NCAPD3: variants seen among roughly 807,000 people sequenced by gnomAD.
NCAPD3 encodes condensin-2 complex subunit D3.
A neutral mutation model predicts 182.9 loss-of-function variants in NCAPD3; 105 were observed. The observed-to-expected ratio is 0.57, with a 90% CI of 0.49 to 0.68. The LOEUF (loss-of-function observed/expected upper bound fraction) is 0.68, where lower values mean the gene tolerates loss of function less well. NCAPD3 is among the 30% of genes least tolerant of loss of function. NCAPD3 has a pLI of 0.00. For synonymous variants in NCAPD3, 815 were observed against 679.9 expected (o/e 1.20, Z -3.09); for missense variants, 1,944 against 1,837.0 (o/e 1.06, Z -1.07).
At chr11:134,190,946 C>T (rs903355871) in intron 16 of NCAPD3, among the ~76,000 whole-genome samples, 10 of 152,138 alleles carry the variant, frequency 6.6e-5, no homozygotes, top group Non-Finnish European at 1.3e-4. Context: ...TTAGAATTGT[C>T]GACTACTTGC....
chr11:134,180,411 C>G (rs1377328062), intron 20 of NCAPD3, among the ~76,000 whole-genome samples: 1 of 152,106 alleles, frequency 6.6e-6, no homozygotes, highest in African/African-American at 2.4e-5. Context: ...AAAAGCAGCT[C>G]ATTATTTCCT....
At chr11:134,164,670 G>T (rs1943706229) in intron 27 of NCAPD3, among the ~76,000 whole-genome samples, 1 of 151,290 alleles carries the variant, frequency 6.6e-6, no homozygotes, top group African/African-American at 2.4e-5. Flanking sequence ...TGAGCTTGGG[G>T]GAGCTGCACA....
intron 27 of NCAPD3, among the ~76,000 whole-genome samples, chr11:134,166,702 T>C (rs1182967771): frequency 1.0e-5 from 1 of 99,274 alleles, no homozygotes; most frequent in African/African-American, 4.4e-5. Context: ...CTGAGTGAGA[T>C]GAGCTTAGGG....
At chr11:134,164,675 T>C (rs978781808) in intron 27 of NCAPD3, among the ~76,000 whole-genome samples, 1 of 144,336 alleles carries the variant, frequency 6.9e-6, no homozygotes, top group Non-Finnish European at 1.5e-5. Flanking sequence ...TTGGGGGAGC[T>C]GCACACTCAC....
In NCAPD3 at chr11:134,194,685, C is replaced by T; in HGVS notation, c.1669G>A (p.Val557Ile). The change falls in exon 14 of 35, where the codon GTT becomes ATT. Residue 557 changes from valine to isoleucine, a missense_variant. Coordinates refer to ENST00000534548, the MANE Select transcript of NCAPD3 (RefSeq NM_015261.3). ...RRRIRDEKTN[V>I]RKSALQVLVS... ...CCCACCTGCAGTGCAGACTTCCTAA[C>T]GTTGGTCTTCTCATCCCTGATCCTC... is the stretch of plus-strand genomic sequence containing the variant. 1.2e-6 allele frequency: 2 copies of T among 1,606,970 alleles called. No homozygotes were observed. The highest frequency in any genetic ancestry group is 1.7e-6 in the Non-Finnish European group (2 of 1,176,606).
At chr11:134,213,972 T>C (rs1440122386) in intron 3 of NCAPD3, among the ~76,000 whole-genome samples, 3 of 152,126 alleles carry the variant, frequency 2.0e-5, no homozygotes, top group Non-Finnish European at 4.4e-5. Flanking sequence ...TAATTATTCT[T>C]AGAGATTCCA....
chr11:134,152,812 A>G lies in NCAPD3; in HGVS notation c.*132T>C. 1 of 684,348 alleles carries G rather than the reference A, an allele frequency of 1.5e-6. No homozygotes were observed. Among genetic ancestry groups the G allele is most frequent in the Non-Finnish European group, 2.5e-6 (1 of 397,978 alleles). The allele number at this position is 684,348 out of a possible 1,614,324, so 42.4% of individuals were successfully genotyped here. A position where few individuals can be genotyped will look rare whatever the true frequency, so the allele number is the denominator to read the frequency against. ...GAAGGTGAGTGCCAGGCCCCTGAGG[A>G]GGAGCTCTCGTGTTCCACAGCAAAG... On this transcript the variant is annotated 3_prime_UTR_variant, in exon 35 of 35. Coordinates refer to ENST00000534548, the MANE Select transcript of NCAPD3 (RefSeq NM_015261.3).
In NCAPD3 at chr11:134,177,289, G is replaced by C. The variant is rs745737389; in HGVS notation, c.2951C>G (p.Ser984Cys). Residue 984 changes from serine to cysteine, a missense_variant, in exon 23 of 35, where the codon TCC (serine) becomes TGC (cysteine). Physicochemically the swap from Ser to Cys is moderately radical, Grantham distance 112 (BLOSUM62 -1). Around this residue, in one of 3 missense-constraint regions of NCAPD3, gnomAD observed 1,803 missense variants for 1,674.6 expected, o/e 1.08. Transcript: ENST00000534548. ...IMVDKYIPNI[S>C]MCLKDSDPFI... The stretch of plus-strand genomic sequence containing the variant: ...TGGGTCGGAATCCTTCAGACACATG[G>C]AGATGTTGGGAATATACTTGTCCAC... The C allele has an allele frequency of 2.5e-6, 4 of 1,614,236 alleles. No homozygotes were observed. Among genetic ancestry groups the C allele is most frequent in the Non-Finnish European group, 3.4e-6 (4 of 1,180,036 alleles).
intron 13 of NCAPD3, among the ~76,000 whole-genome samples, chr11:134,201,286 A>G (rs984764289): frequency 3.3e-5 from 5 of 151,860 alleles, no homozygotes; most frequent in East Asian, 1.9e-4. Flanking sequence ...CGGCCTCCCA[A>G]TGTGCCAGGA....
At chr11:134,170,293 C>T (rs1943976537) in intron 24 of NCAPD3, among the ~76,000 whole-genome samples, 1 of 152,144 alleles carries the variant, frequency 6.6e-6, no homozygotes, top group Non-Finnish European at 1.5e-5. Flanking sequence ...TAAGGACAAC[C>T]AGAAGCACCT....
chr11:134,158,296 C>A (rs1347614819), intron 30 of NCAPD3, 33 bp downstream of exon 30: 1 of 1,611,244 alleles, frequency 6.2e-7, no homozygotes, highest in Non-Finnish European at 8.5e-7. Context: ...CCACAGAGAA[C>A]CAGCCCTGAT....
chr11:134,216,036 T>G (rs1008464582), intron 3 of NCAPD3, among the ~76,000 whole-genome samples: 1 of 152,160 alleles, frequency 6.6e-6, no homozygotes, highest in African/African-American at 2.4e-5. Context: ...CAGAAGAAAC[T>G]GCATCTGGCA....
chr11:134,164,018 G>A (rs923217265), intron 27 of NCAPD3, among the ~76,000 whole-genome samples: 1 of 152,122 alleles, frequency 6.6e-6, no homozygotes, highest in Non-Finnish European at 1.5e-5. Context: ...GTCAGAACTA[G>A]AGAGATAGAT....
intron 32 of NCAPD3, among the ~76,000 whole-genome samples, chr11:134,154,362 C>G (rs1943354467): frequency 6.6e-6 from 1 of 152,104 alleles, no homozygotes; most frequent in Non-Finnish European, 1.5e-5. Flanking sequence ...TCAGCTGGTC[C>G]CAAGCTGCCT....
chr11:134,223,722 G>A lies in NCAPD3; in HGVS notation c.64+141C>T, dbSNP rs894669862. 1.2e-5 allele frequency: 12 copies of A among 960,288 alleles called. 1 individual carries two copies. The highest frequency in any genetic ancestry group is 4.7e-5 in the South Asian group (3 of 63,472). The allele number at this position is 960,288 out of a possible 1,614,324, so 59.5% of individuals were successfully genotyped here. A position where few individuals can be genotyped will look rare whatever the true frequency, so the allele number is the denominator to read the frequency against. On this transcript the variant is annotated intron_variant, in intron 1 of 34. Coordinates refer to ENST00000534548, the MANE Select transcript of NCAPD3 (RefSeq NM_015261.3). Reference sequence around the variant, plus strand: ...GCTAGCCGCAATCCTGGCGTGGCACGGCCCTGGGGACCCCAGGCACCGCCG... The same window carrying A: ...GCTAGCCGCAATCCTGGCGTGGCACAGCCCTGGGGACCCCAGGCACCGCCG...
At chr11:134,157,533 G>A (rs1312890973) in intron 31 of NCAPD3, among the ~76,000 whole-genome samples, 1 of 152,188 alleles carries the variant, frequency 6.6e-6, no homozygotes, top group East Asian at 1.9e-4. Context: ...ATGCTATAAA[G>A]CCACTGAAAG....
At chr11:134,212,597 G>A (rs1308775191) in intron 3 of NCAPD3, among the ~76,000 whole-genome samples, 1 of 151,988 alleles carries the variant, frequency 6.6e-6, no homozygotes. Flanking sequence ...TCACCATGTT[G>A]GCCAGGCTGG....
intron 1 of NCAPD3, chr11:134,223,122 T>C (rs1026272638): frequency 2.6e-6 from 1 of 387,364 alleles, no homozygotes; most frequent in African/African-American, 2.0e-5. Context: ...GATGTGGTCA[T>C]TTATTTAGGA....
In NCAPD3 at chr11:134,194,039, G is replaced by A. The variant is rs1944577178; in HGVS notation, c.1801C>T (p.Gln601Ter). Residue 601 changes from glutamine (Q) to a stop codon, truncating the protein, a stop_gained, in exon 15 of 35, where the codon CAG (glutamine) becomes TAG (stop). Coordinates refer to ENST00000534548, the MANE Select transcript of NCAPD3 (RefSeq NM_015261.3). LOFTEE classifies it high-confidence loss of function. The part of the protein sequence containing the change: ...PAVSVRKQAL[Q>*]SLTELLMAQP... Reference sequence around the variant, plus strand: ...ACCATAAGGAGTTCAGTAAGAGACTGGAGGGCCTGCTTCCGGACAGACACT... The same window carrying A: ...ACCATAAGGAGTTCAGTAAGAGACTAGAGGGCCTGCTTCCGGACAGACACT... 1 of 1,613,972 alleles carries A rather than the reference G, an allele frequency of 6.2e-7. No homozygotes were observed. The highest frequency in any genetic ancestry group is 1.1e-5 in the South Asian group (1 of 91,082).
Sources: allele counts gnomAD v4.1 joint callset (sites outside exome capture counted in the v4.1 genomes callset), GRCh38; gene constraint gnomAD v4.1.1; regional missense constraint gnomAD v4.1.1; transcripts MANE v1.5; gene names NCBI Gene and HGNC (gene_info 2026-07-23, HGNC 2026-07-21).